EPM2A: variants seen among roughly 807,000 people sequenced by gnomAD.
EPM2A encodes EPM2A glucan phosphatase, laforin.
EPM2A carries 21 observed loss-of-function variants against 26.5 expected under a neutral mutation model. The ratio of observed to expected loss-of-function variants is 0.79; its 90% CI spans 0.56 to 1.14. The LOEUF (loss-of-function observed/expected upper bound fraction) is 1.14, where lower values mean the gene tolerates loss of function less well. Among genes scored for constraint, EPM2A ranks in the 50% most tolerant of loss-of-function variants. EPM2A has a pLI of 0.00. For missense variants in EPM2A, 458 were observed against 440.8 expected (o/e 1.04, Z -0.35); for synonymous variants, 217 against 177.6 (o/e 1.22, Z -1.76).
At chr6:145,598,706 C>T (rs1241929226) in intron 2 of EPM2A, among the ~76,000 whole-genome samples, 4 of 151,864 alleles carry the variant, frequency 2.6e-5, no homozygotes, top group Non-Finnish European at 5.9e-5. Context: ...GATGGTATTG[C>T]CTAGGTTGTT....
chr6:145,455,419 G>A (rs566557626), intron 4 of EPM2A, among the ~76,000 whole-genome samples: 3 of 151,930 alleles, frequency 2.0e-5, no homozygotes, highest in South Asian at 2.1e-4. Flanking sequence ...GTACAGTGGC[G>A]GGATCTTGCC....
At chr6:145,592,796 A>C (rs1383514021) in intron 2 of EPM2A, among the ~76,000 whole-genome samples, 1 of 152,160 alleles carries the variant, frequency 6.6e-6, no homozygotes, top group Non-Finnish European at 1.5e-5. Context: ...TTTTTTAAAG[A>C]AGCATAATGA....
intron 2 of EPM2A, among the ~76,000 whole-genome samples, chr6:145,597,836 T>C (rs1387374035): frequency 6.6e-6 from 1 of 152,152 alleles, no homozygotes; most frequent in Non-Finnish European, 1.5e-5. Context: ...TTAGTTTTCT[T>C]TTCCTGCATT....
chr6:145,648,269 C>T (rs185872719), intron 2 of EPM2A, among the ~76,000 whole-genome samples: 5 of 152,148 alleles, frequency 3.3e-5, no homozygotes, highest in Non-Finnish European at 5.9e-5. Context: ...AAGGTAGAGA[C>T]CAGCCTCTAT....
chr6:145,548,459 G>A (rs1347480720), intron 2 of EPM2A, among the ~76,000 whole-genome samples: 5 of 152,062 alleles, frequency 3.3e-5, no homozygotes, highest in Non-Finnish European at 7.4e-5. Flanking sequence ...CCTACCTATG[G>A]CAAACTCGGG....
At chr6:145,637,599 T>C (rs1236765569) in intron 2 of EPM2A, 1 of 152,120 alleles carries the variant, frequency 6.6e-6, no homozygotes, top group East Asian at 1.9e-4. Context: ...AAAGACTTAA[T>C]GGTGATGGAA....
intron 4 of EPM2A, among the ~76,000 whole-genome samples, chr6:145,451,971 A>G (rs1779200763): frequency 6.6e-6 from 1 of 151,924 alleles, no homozygotes; most frequent in Middle Eastern, 3.2e-3. Flanking sequence ...GCTTCCTTTC[A>G]ACTCCTCTTC....
intron 4 of EPM2A, among the ~76,000 whole-genome samples, chr6:145,431,795 C>T (rs762921201): frequency 6.6e-6 from 1 of 152,196 alleles, no homozygotes; most frequent in Non-Finnish European, 1.5e-5. Context: ...TAAATAATTT[C>T]TCTGGAGCAC....
intron 4 of EPM2A, among the ~76,000 whole-genome samples, chr6:145,451,641 G>C (rs1779196698): frequency 6.6e-6 from 1 of 152,166 alleles, no homozygotes; most frequent in Non-Finnish European, 1.5e-5. Context: ...ACATTAAATA[G>C]AATTGTAAAA....
intron 4 of EPM2A, among the ~76,000 whole-genome samples, chr6:145,415,729 G>A (rs1471693252): frequency 2.0e-5 from 3 of 152,126 alleles, no homozygotes; most frequent in African/African-American, 7.2e-5. Flanking sequence ...AAATGTGCCT[G>A]TGATGATTAC....
At chr6:145,518,917 T>C (rs988172403) in intron 2 of EPM2A, among the ~76,000 whole-genome samples, 2 of 147,454 alleles carry the variant, frequency 1.4e-5, no homozygotes, top group African/African-American at 5.0e-5. Flanking sequence ...GAGACTGAGT[T>C]GGGAGCCAGA....
At chr6:145,387,426 T>C (rs1332712750) in intron 4 of EPM2A, among the ~76,000 whole-genome samples, 1 of 152,082 alleles carries the variant, frequency 6.6e-6, no homozygotes, top group Admixed American at 6.6e-5. Flanking sequence ...TCCACCAACA[T>C]AGATCAAGGG....
chr6:145,713,364 C>G (rs536847300), intron 1 of EPM2A, among the ~76,000 whole-genome samples: 5 of 152,084 alleles, frequency 3.3e-5, no homozygotes, highest in Non-Finnish European at 7.4e-5. Flanking sequence ...GGCAAATAAG[C>G]CCACTGAAAA....
chr6:145,719,014 C>G (rs1384327397), intron 1 of EPM2A, among the ~76,000 whole-genome samples: 1 of 152,198 alleles, frequency 6.6e-6, no homozygotes, highest in East Asian at 1.9e-4. Flanking sequence ...AACACTTTTA[C>G]ACTGTTGGTG....
At chr6:145,551,909 G>T (rs757873272) in intron 2 of EPM2A, among the ~76,000 whole-genome samples, 2 of 151,030 alleles carry the variant, frequency 1.3e-5, no homozygotes, top group East Asian at 1.9e-4. Context: ...AAAGAGCAAG[G>T]CATAGTAAAG....
intron 4 of EPM2A, among the ~76,000 whole-genome samples, chr6:145,459,275 T>C (rs1408104893): frequency 6.6e-6 from 1 of 152,182 alleles, no homozygotes; most frequent in Non-Finnish European, 1.5e-5. Context: ...TGAGGCCTAG[T>C]TGAGAAGAGG....
At chr6:145,603,415 T>C (rs1781442482) in intron 2 of EPM2A, among the ~76,000 whole-genome samples, 1 of 152,208 alleles carries the variant, frequency 6.6e-6, no homozygotes, top group Non-Finnish European at 1.5e-5. Context: ...TGGAACTGCA[T>C]TCTTTCTTTC....
At chr6:145,509,630 C>T (rs1290843298) in intron 2 of EPM2A, among the ~76,000 whole-genome samples, 2 of 152,086 alleles carry the variant, frequency 1.3e-5, no homozygotes, top group African/African-American at 4.8e-5. Context: ...ACCACGAAAG[C>T]ACACAGAAGC....
At chr6:145,513,213 AAAAC>A (rs1345579456) in intron 2 of EPM2A, among the ~76,000 whole-genome samples, 2 of 152,192 alleles carry the variant, frequency 1.3e-5, no homozygotes, top group African/African-American at 2.4e-5. Flanking sequence ...CAACAAGAAA[AAAAC>A]AAACAACTTC....
Sources: allele counts gnomAD v4.1 joint callset (sites outside exome capture counted in the v4.1 genomes callset), GRCh38; gene constraint gnomAD v4.1.1; transcripts MANE v1.5; gene names NCBI Gene and HGNC (gene_info 2026-07-23, HGNC 2026-07-21).